Variants in KIAA1328 observed in about 807,000 individuals in gnomAD.
The protein encoded by KIAA1328 is KIAA1328, also known as protein hinderin.
KIAA1328 carries 52 observed loss-of-function variants against 68.1 expected under a neutral mutation model. That is an observed-to-expected ratio of 0.76 (90% CI 0.61 to 0.96). The LOEUF is 0.96. Among genes scored for constraint, KIAA1328 ranks in the 40% least tolerant of loss-of-function variants. The pLI, the probability that KIAA1328 is intolerant of heterozygous loss-of-function variation, is 0.00. For missense variants in KIAA1328, 641 were observed against 677.6 expected (o/e 0.95, Z 0.60); for synonymous variants, 232 against 239.4 (o/e 0.97, Z 0.28).
At chr18:36,977,563 T>C (rs1424445344) in intron 6 of KIAA1328, among the ~76,000 whole-genome samples, 1 of 152,144 alleles carries the variant, frequency 6.6e-6, no homozygotes, top group African/African-American at 2.4e-5. Context: ...ATAATTTGTC[T>C]GAGTACTCAG....
intron 6 of KIAA1328, among the ~76,000 whole-genome samples, chr18:37,018,837 A>G (rs1238478929): frequency 5.9e-5 from 9 of 151,768 alleles, no homozygotes; most frequent in Non-Finnish European, 5.9e-5. Flanking sequence ...AGATTGCTCT[A>G]GAAGTTTCTT....
intron 6 of KIAA1328, among the ~76,000 whole-genome samples, chr18:36,977,160 T>C (rs1800556596): frequency 6.6e-6 from 1 of 152,196 alleles, no homozygotes; most frequent in African/African-American, 2.4e-5. Flanking sequence ...CAGCACTGTT[T>C]AGCACTGATG....
intron 1 of KIAA1328, among the ~76,000 whole-genome samples, chr18:36,830,961 A>T (rs1022896760): frequency 6.6e-6 from 1 of 152,230 alleles, no homozygotes; most frequent in Non-Finnish European, 1.5e-5. Flanking sequence ...TTAAATCTCC[A>T]TAGAGAATGT....
chr18:37,132,304 A>G (rs323308), intron 7 of KIAA1328, among the ~76,000 whole-genome samples: 61,540 of 152,034 alleles, frequency 0.4, 14,319 homozygotes, highest in African/African-American at 0.64. Context: ...TATCAGCTTG[A>G]TTGTTGTTAT....
At chr18:37,045,194 G>A (rs920031237) in intron 6 of KIAA1328, among the ~76,000 whole-genome samples, 1 of 152,110 alleles carries the variant, frequency 6.6e-6, no homozygotes, top group Non-Finnish European at 1.5e-5. Context: ...TTAACAAAAT[G>A]GAAAATTTAA....
intron 9 of KIAA1328, among the ~76,000 whole-genome samples, chr18:37,189,224 G>A (rs1487428590): frequency 2.6e-5 from 4 of 151,992 alleles, no homozygotes; most frequent in Non-Finnish European, 4.4e-5. Context: ...CAAGTATTTA[G>A]GTATAAAAAG....
chr18:37,182,056 T>C (rs1284168673), intron 9 of KIAA1328, among the ~76,000 whole-genome samples: 2 of 152,172 alleles, frequency 1.3e-5, no homozygotes, highest in Non-Finnish European at 1.5e-5. Flanking sequence ...TGTTGTGTCT[T>C]CTCCAGGGTA....
intron 5 of KIAA1328, among the ~76,000 whole-genome samples, chr18:36,957,062 C>G (rs917357169): frequency 6.6e-6 from 1 of 152,164 alleles, no homozygotes; most frequent in African/African-American, 2.4e-5. Flanking sequence ...CTTCTATCAT[C>G]TACCTCTGGC....
intron 4 of KIAA1328, among the ~76,000 whole-genome samples, chr18:36,882,127 A>G (rs1601125557): frequency 6.6e-6 from 1 of 152,234 alleles, no homozygotes; most frequent in Non-Finnish European, 1.5e-5. Context: ...TTTTATTAAC[A>G]GTTTAAAACT....
At chr18:37,147,139 C>A (rs2058920957) in intron 7 of KIAA1328, among the ~76,000 whole-genome samples, 3 of 152,204 alleles carry the variant, frequency 2.0e-5, no homozygotes, top group Non-Finnish European at 4.4e-5. Flanking sequence ...GTGCACATAT[C>A]CAATCTTAAA....
chr18:36,909,650 A>C (rs929405679), intron 5 of KIAA1328, among the ~76,000 whole-genome samples: 1 of 152,216 alleles, frequency 6.6e-6, no homozygotes, highest in African/African-American at 2.4e-5. Flanking sequence ...GTATATACCC[A>C]GTAATGGGTT....
chr18:37,035,594 G>T (rs1263454359), intron 6 of KIAA1328, among the ~76,000 whole-genome samples: 1 of 152,134 alleles, frequency 6.6e-6, no homozygotes, highest in Non-Finnish European at 1.5e-5. Context: ...AAATAACACA[G>T]CATTAGAAAA....
chr18:37,097,835 A>C (rs2057460426), intron 7 of KIAA1328, among the ~76,000 whole-genome samples: 2 of 152,178 alleles, frequency 1.3e-5, no homozygotes, highest in South Asian at 4.1e-4. Flanking sequence ...TCTTTGAAGC[A>C]ATTGTGAATG....
intron 4 of KIAA1328, among the ~76,000 whole-genome samples, chr18:36,868,403 GAATT>G (rs1448279607): frequency 6.6e-6 from 1 of 152,166 alleles, no homozygotes. Flanking sequence ...TAAAATTAAT[GAATT>G]GTTTGCATAG....
intron 9 of KIAA1328, chr18:37,193,742 A>G: frequency 1.6e-6 from 1 of 623,938 alleles, no homozygotes; most frequent in Non-Finnish European, 2.9e-6. Flanking sequence ...AGAAACAGAA[A>G]ACTGAATTGT....
At chr18:37,226,903 T>G (rs539606284), downstream of KIAA1328, among the ~76,000 whole-genome samples, 59 of 152,150 alleles carry the variant, frequency 3.9e-4, no homozygotes, top group South Asian at 0.011. Flanking sequence ...CAGTAGCTGG[T>G]ATTACAGGCA....
intron 6 of KIAA1328, among the ~76,000 whole-genome samples, chr18:36,974,768 A>G (rs1397449257): frequency 1.3e-5 from 2 of 152,244 alleles, no homozygotes; most frequent in African/African-American, 4.8e-5. Context: ...CATCAACAGT[A>G]TATAAGCATT....
chr18:36,870,037 A>T (rs2047892797), intron 4 of KIAA1328, among the ~76,000 whole-genome samples: 1 of 151,626 alleles, frequency 6.6e-6, no homozygotes, highest in South Asian at 2.1e-4. Flanking sequence ...TGATTTTTGT[A>T]TTTTTTAGTA....
intron 6 of KIAA1328, among the ~76,000 whole-genome samples, chr18:36,980,654 G>A (rs912270117): frequency 2.0e-5 from 3 of 152,156 alleles, no homozygotes; most frequent in African/African-American, 4.8e-5. Flanking sequence ...AGCTGACATG[G>A]TTTGGCTCTG....
Sources: allele counts gnomAD v4.1 joint callset (sites outside exome capture counted in the v4.1 genomes callset), GRCh38; gene constraint gnomAD v4.1.1; transcripts MANE v1.5; gene names NCBI Gene and HGNC (gene_info 2026-07-23, HGNC 2026-07-21).